The following ZRSR2 variants were observed in gnomAD, a reference collection of about 807,000 sequenced individuals.
ZRSR2 encodes the protein U2 small nuclear ribonucleoprotein auxiliary factor 35 kDa subunit-related protein 2.
In ZRSR2, 3 loss-of-function variants were observed where a neutral mutation model predicts 39.4. That is an observed-to-expected ratio of 0.08 (90% confidence interval 0.03 to 0.20). The LOEUF (loss-of-function observed/expected upper bound fraction) is 0.20, where lower values mean the gene tolerates loss of function less well. Among genes scored for constraint, ZRSR2 ranks in the 10% least tolerant of loss-of-function variants. The probability of loss-of-function intolerance (pLI) is 1.00; values close to 1 mark genes in which losing one functional copy is unlikely to be tolerated. For synonymous variants in ZRSR2, 137 were observed against 136.0 expected, an observed-to-expected ratio of 1.01 and a Z score of -0.05; for missense variants, 256 against 391.5, an observed-to-expected ratio of 0.65 and a Z score of 2.92.
chrX:15,822,962 A>G lies in ZRSR2; in HGVS notation c.1169A>G (p.Lys390Arg), dbSNP rs774199702. The change falls in exon 11 of 11, where the codon AAA becomes AGA. Residue 390 changes from lysine (K) to arginine (R), a missense_variant. Around this residue, in one of 3 missense-constraint regions of ZRSR2, gnomAD observed 111 missense variants for 116.7 expected, o/e 0.95. Coordinates refer to ENST00000307771, the MANE Select transcript of ZRSR2 (RefSeq NM_005089.4). ...RRNPSPDHSY[K>R]RNGESERKSS... ...AACCCTAGTCCAGACCACTCCTACAAAAGAAATGGGGAATCCGAGAGGAAA... is the reference window on the plus strand; with the variant it reads ...AACCCTAGTCCAGACCACTCCTACAGAAGAAATGGGGAATCCGAGAGGAAA... 2 of 1,212,457 alleles carry G rather than the reference A, an allele frequency of 1.6e-6. No individual in the cohort carries two copies. Among genetic ancestry groups the G allele is most frequent in the Non-Finnish European group, 2.2e-6 (2 of 895,671 alleles).
chrX:15,796,115 G>A (rs1310370685), intron 2 of ZRSR2, among the ~76,000 whole-genome samples: 2 of 108,849 alleles, frequency 1.8e-5, no homozygotes, highest in African/African-American at 3.4e-5. Flanking sequence ...TGCAACCTCC[G>A]CCTCCCGGGT....
chrX:15,820,872 C>T (rs983276959), intron 10 of ZRSR2, among the ~76,000 whole-genome samples: 1 of 111,737 alleles, frequency 8.9e-6, no homozygotes, highest in African/African-American at 3.3e-5. Context: ...AGACTGACAT[C>T]GGACAGTGGC....
At chrX:15,820,144 G>A (rs1933068475) in intron 9 of ZRSR2, 63 bp from the exon 10 acceptor site, 2 of 926,826 alleles carry the variant, frequency 2.2e-6, no homozygotes, top group Middle Eastern at 2.8e-4. Flanking sequence ...TTAATTAATA[G>A]TAGAGCTAAT....
In ZRSR2 at chrX:15,822,925, C is replaced by T. The variant is rs1933147062; in HGVS notation, c.1132C>T (p.Arg378Trp). 5.8e-6 allele frequency: 7 copies of T among 1,211,916 alleles called. No individual in the cohort carries two copies. The highest frequency in any genetic ancestry group is 1.8e-5 in the South Asian group (1 of 57,003). ...GHHDDYYSRL[R>W]GRRNPSPDHS... ...CCACGACGACTACTACAGCAGGCTG[C>T]GGGGAAGGAGAAACCCTAGTCCAGA... Residue 378 changes from arginine (R) to tryptophan (W), a missense_variant, in exon 11 of 11, where the codon CGG becomes TGG. Physicochemically the swap from Arg to Trp is moderately radical, Grantham distance 101 (BLOSUM62 -3). Transcript: ENST00000307771.
chrX:15,809,215 A>C lies in ZRSR2; in HGVS notation c.454A>C (p.Thr152Pro), dbSNP rs1012404183. 2 of 1,206,681 alleles carry C rather than the reference A, an allele frequency of 1.7e-6. No homozygotes were observed. The highest frequency in any genetic ancestry group is 3.5e-5 in the African/African-American group (2 of 57,387). Residue 152 changes from threonine to proline, a missense_variant, in exon 7 of 11, where the codon ACA becomes CCA. Physicochemically the swap from Thr to Pro is conservative, Grantham distance 38 (BLOSUM62 -1). Around this residue, in one of 3 missense-constraint regions of ZRSR2, gnomAD observed 87 missense variants for 111.7 expected, o/e 0.78. Transcript: ENST00000307771. ...QAENELENGT[T>P]WQNPEPPVDF... is the part of the protein sequence containing the mutation. ...TTTTCAACAGTTGGAAAATGGTACCACATGGCAAAACCCAGAACCACCCGT... is the reference window on the plus strand; with the variant it reads ...TTTTCAACAGTTGGAAAATGGTACCCCATGGCAAAACCCAGAACCACCCGT...
chrX:15,798,472 A>G (rs1932553401), intron 2 of ZRSR2, among the ~76,000 whole-genome samples: 1 of 111,994 alleles, frequency 8.9e-6, no homozygotes, highest in African/African-American at 3.2e-5. Context: ...CTTTTTCTCT[A>G]TTTAAAGAGA....
chrX:15,820,989 T>C (rs772385446), intron 10 of ZRSR2, among the ~76,000 whole-genome samples: 2 of 112,084 alleles, frequency 1.8e-5, no homozygotes, highest in Non-Finnish European at 3.8e-5. Context: ...TGAAAAGAGA[T>C]GAGCTCTAAA....
In ZRSR2 at chrX:15,823,245, T is replaced by C. The variant is rs1933172264; in HGVS notation, c.*3T>C. ...TTCAGAGTCCCAAATCCAAATAAAC[T>C]AGTTTTGTTCTTAAATGATTGTATA... On this transcript the variant is annotated 3_prime_UTR_variant, in exon 11 of 11. Coordinates refer to ENST00000307771, the MANE Select transcript of ZRSR2 (RefSeq NM_005089.4). The C allele has an allele frequency of 8.7e-7, 1 of 1,144,650 alleles. No homozygotes were observed. Among genetic ancestry groups the C allele is most frequent in the Non-Finnish European group, 1.2e-6 (1 of 864,506 alleles). The allele number at this position is 1,144,650 out of a possible 1,213,427, so 94.3% of individuals were successfully genotyped here.
intron 8 of ZRSR2, among the ~76,000 whole-genome samples, chrX:15,816,704 G>A (rs183482607): frequency 5.4e-4 from 60 of 110,938 alleles, no homozygotes; most frequent in East Asian, 3.7e-3. Context: ...CAGGGAAATT[G>A]TCCCATAATT....
intron 8 of ZRSR2, among the ~76,000 whole-genome samples, chrX:15,817,948 CTATA>C (rs1490348141): frequency 8.9e-6 from 1 of 112,207 alleles, no homozygotes; most frequent in Non-Finnish European, 1.9e-5. Flanking sequence ...CAAAGCAACA[CTATA>C]TGTTGTTTAT....
At chrX:15,821,896 T>G (rs1933115960) in intron 10 of ZRSR2, among the ~76,000 whole-genome samples, 1 of 111,643 alleles carries the variant, frequency 9.0e-6, no homozygotes, top group Admixed American at 9.6e-5. Flanking sequence ...GATAAGAATC[T>G]TCTGTATTAA....
intron 8 of ZRSR2, among the ~76,000 whole-genome samples, chrX:15,816,632 A>C (rs1932982203): frequency 1.8e-5 from 2 of 111,517 alleles, no homozygotes; most frequent in Admixed American, 1.9e-4. Context: ...AATAGGGTGA[A>C]GCTTCCTGCC....
At chrX:15,812,029 G>C (rs762177227) in intron 7 of ZRSR2, among the ~76,000 whole-genome samples, 1 of 110,674 alleles carries the variant, frequency 9.0e-6, no homozygotes, top group South Asian at 3.8e-4. Context: ...TCCTGGGTTC[G>C]CGCCATTCTC....
intron 10 of ZRSR2, among the ~76,000 whole-genome samples, chrX:15,822,279 C>T (rs945308010): frequency 2.4e-4 from 27 of 112,121 alleles, no homozygotes; most frequent in Admixed American, 6.6e-4. Context: ...TGTGAGCCAC[C>T]GCACCTGGCC....
At chrX:15,793,545 G>T (rs1272705952) in intron 2 of ZRSR2, among the ~76,000 whole-genome samples, 1 of 106,120 alleles carries the variant, frequency 9.4e-6, no homozygotes, top group Non-Finnish European at 2.0e-5. Flanking sequence ...AACACTCCTG[G>T]TTTTTTTTTT....
At chrX:15,801,474 G>C (rs1239692881) in intron 3 of ZRSR2, 5 of 224,986 alleles carry the variant, frequency 2.2e-5, no homozygotes, top group Non-Finnish European at 4.3e-5. Context: ...CTCATGATCT[G>C]CCCGCCTCGG....
intron 2 of ZRSR2, among the ~76,000 whole-genome samples, chrX:15,791,341 G>T (rs866045717): frequency 5.3e-5 from 6 of 112,190 alleles, no homozygotes; most frequent in Middle Eastern, 9.2e-3. Context: ...GTTTTTCTTC[G>T]TAAAACCAGC....
At chrX:15,791,113 T>A in intron 2 of ZRSR2, 100 bp downstream of exon 2, 1 of 762,604 alleles carries the variant, frequency 1.3e-6, no homozygotes, top group Non-Finnish European at 2.0e-6. Flanking sequence ...AAATATTGTG[T>A]CGGAGGAAAA....
At chrX:15,804,029 A>C (rs1289730807) in intron 4 of ZRSR2, 82 bp from the exon 5 acceptor site, 17 of 1,062,704 alleles carry the variant, frequency 1.6e-5, no homozygotes, top group Non-Finnish European at 2.1e-5. Flanking sequence ...CCAGTGTTTT[A>C]AGTTTTTCAT....
Sources: allele counts gnomAD v4.1 joint callset (sites outside exome capture counted in the v4.1 genomes callset), GRCh38; gene constraint gnomAD v4.1.1; regional missense constraint gnomAD v4.1.1; transcripts MANE v1.5; gene names NCBI Gene and HGNC (gene_info 2026-07-23, HGNC 2026-07-21).